Variants in TBC1D9 observed in about 807,000 individuals in gnomAD.
TBC1D9 encodes TBC1 domain family member 9A.
TBC1D9 carries 63 observed loss-of-function variants against 132.0 expected under a neutral mutation model. That is an observed-to-expected ratio of 0.48 (90% CI 0.39 to 0.59). The LOEUF is 0.59. TBC1D9 is among the 20% of genes least tolerant of loss of function. TBC1D9 has a pLI of 0.00. For synonymous variants in TBC1D9, 610 were observed against 609.9 expected (o/e 1.00, Z 0.00); for missense variants, 1,261 against 1,592.7 (o/e 0.79, Z 3.54).
intron 1 of TBC1D9, among the ~76,000 whole-genome samples, chr4:140,707,697 A>G (rs1738169563): frequency 6.6e-6 from 1 of 152,152 alleles, no homozygotes. Flanking sequence ...CATAACTTTT[A>G]CACTTCTTTA....
intron 16 of TBC1D9, among the ~76,000 whole-genome samples, chr4:140,631,601 CTT>C (rs5862493): frequency 6.8e-4 from 95 of 140,600 alleles, no homozygotes; most frequent in Admixed American, 6.3e-4. Flanking sequence ...TTTAGTTTTT[CTT>C]TTTTTTTTTT....
chr4:140,632,217 A>G lies in TBC1D9; in HGVS notation c.2746+1731T>C, dbSNP rs150284214. Among the ~76,000 whole-genome samples the G allele has an allele frequency of 2.1e-4, 31 of 150,696 alleles. 1 individual carries two copies. In the East Asian group the frequency reaches 6.0e-3, roughly 29 times the overall value. ...TTTGTTTATTTCTGTCACTTTCTACATGTAGAACCCGTCTCTTTTTTCTCC... is the reference window on the plus strand; with the variant it reads ...TTTGTTTATTTCTGTCACTTTCTACGTGTAGAACCCGTCTCTTTTTTCTCC... On this transcript the variant is annotated intron_variant, in intron 16 of 20. Coordinates refer to ENST00000442267, the MANE Select transcript of TBC1D9 (RefSeq NM_015130.3).
chr4:140,687,385 T>A (rs1453494608), intron 2 of TBC1D9, among the ~76,000 whole-genome samples: 8 of 67,340 alleles, frequency 1.2e-4, no homozygotes, highest in African/African-American at 5.0e-4. Context: ...TATATATATA[T>A]ATATATATAT....
intron 3 of TBC1D9, among the ~76,000 whole-genome samples, chr4:140,681,360 A>G (rs1341576432): frequency 6.6e-6 from 1 of 152,138 alleles, no homozygotes; most frequent in Admixed American, 6.6e-5. Context: ...TGCATTATGT[A>G]TTGAAATCAT....
intron 1 of TBC1D9, among the ~76,000 whole-genome samples, chr4:140,732,854 T>C (rs1738615922): frequency 6.6e-6 from 1 of 152,216 alleles, no homozygotes; most frequent in Non-Finnish European, 1.5e-5. Context: ...TTCCTATTGA[T>C]ACAATCCAAC....
Position 140,679,629 on chromosome 4 carries a change from A to T in TBC1D9, c.575T>A (p.Leu192His). Residue 192 changes from leucine to histidine, a missense_variant, in exon 4 of 21, where the codon CTT becomes CAT. Physicochemically the swap from Leu to His is moderately conservative, Grantham distance 99. This residue lies in a region of TBC1D9 where 550 missense variants were observed against 699.0 expected (regional missense o/e 0.79). Transcript: ENST00000442267. ...AGATGACTTACCTTCCCTTCCCATA[A>T]GAAAAGAATAAAAGCAAAGGTGGTT... The part of the protein sequence containing the change: ...SINHLCFYSF[L>H]MGREAKLVIR... The T allele has an allele frequency of 2.5e-6, 4 of 1,612,976 alleles. No homozygotes were observed. The highest frequency in any genetic ancestry group is 3.4e-6 in the Non-Finnish European group (4 of 1,179,238).
chr4:140,731,904 G>A (rs1196957174), intron 1 of TBC1D9, among the ~76,000 whole-genome samples: 1 of 152,096 alleles, frequency 6.6e-6, no homozygotes, highest in African/African-American at 2.4e-5. Context: ...TGGTATATTG[G>A]TGTTCCATCT....
At chr4:140,642,167 G>A in intron 13 of TBC1D9, 2 of 769,016 alleles carry the variant, frequency 2.6e-6, no homozygotes, top group Non-Finnish European at 4.8e-6. Flanking sequence ...CACACAGGAG[G>A]GAAGGCATCA....
rs191555466 is a variant in TBC1D9, at chr4:140,755,839, G to A, written c.130+77C>T. The A allele has an allele frequency of 1.8e-5, 23 of 1,299,360 alleles. No homozygotes were observed. The African/African-American group carries it at 2.9e-4, about 17-fold the overall frequency. The allele number at this position is 1,299,360 out of a possible 1,614,324, so 80.5% of individuals were successfully genotyped here. ...CCCAGGGGACCGGGCGGCGTCTCCCGAGCCTGCAGCCCAGGCCGCGGGCGG... is the reference window on the plus strand; with the variant it reads ...CCCAGGGGACCGGGCGGCGTCTCCCAAGCCTGCAGCCCAGGCCGCGGGCGG... On this transcript the variant is annotated intron_variant, in intron 1 of 20. Coordinates refer to ENST00000442267, the MANE Select transcript of TBC1D9 (RefSeq NM_015130.3).
chr4:140,721,723 T>C (rs1013895382), intron 1 of TBC1D9, among the ~76,000 whole-genome samples: 2 of 152,222 alleles, frequency 1.3e-5, no homozygotes, highest in Admixed American at 6.5e-5. Flanking sequence ...TCCCCATTTG[T>C]GTAACTTCTG....
chr4:140,736,747 G>T (rs1738679047), intron 1 of TBC1D9, among the ~76,000 whole-genome samples: 1 of 152,092 alleles, frequency 6.6e-6, no homozygotes, highest in African/African-American at 2.4e-5. Context: ...TGATCTGTAG[G>T]GTTAGCCATG....
intron 2 of TBC1D9, among the ~76,000 whole-genome samples, chr4:140,689,918 G>GT (rs1035779913): frequency 2.0e-5 from 3 of 150,334 alleles, no homozygotes; most frequent in Non-Finnish European, 4.4e-5. Context: ...CCTGTTAATT[G>GT]TTTTTATATT....
chr4:140,713,035 C>T (rs1443203085), intron 1 of TBC1D9, among the ~76,000 whole-genome samples: 1 of 152,144 alleles, frequency 6.6e-6, no homozygotes, highest in Non-Finnish European at 1.5e-5. Context: ...TGTAAGTGTG[C>T]ATTCATCTAA....
chr4:140,692,652 G>T (rs1737894108), intron 2 of TBC1D9, among the ~76,000 whole-genome samples: 2 of 152,070 alleles, frequency 1.3e-5, no homozygotes, highest in Non-Finnish European at 2.9e-5. Flanking sequence ...TTATAATCAG[G>T]TTAAGTAAGA....
intron 1 of TBC1D9, among the ~76,000 whole-genome samples, 175 bp from the exon 2 acceptor site, chr4:140,701,789 A>G (rs1404164519): frequency 6.6e-6 from 1 of 152,192 alleles, no homozygotes; most frequent in Non-Finnish European, 1.5e-5. Context: ...AAGTTGCACA[A>G]CTTGACAAGG....
intron 13 of TBC1D9, among the ~76,000 whole-genome samples, chr4:140,641,087 A>C: frequency 9.0e-6 from 1 of 111,568 alleles, no homozygotes; most frequent in Admixed American, 9.5e-5. Context: ...TCATAATACT[A>C]AGCAAAAAAA....
chr4:140,624,267 G>C, intron 19 of TBC1D9, 47 bp downstream of exon 19: 1 of 1,611,150 alleles, frequency 6.2e-7, no homozygotes, highest in Non-Finnish European at 8.5e-7. Flanking sequence ...CAAAAAACAA[G>C]TGTACAACCA....
intron 1 of TBC1D9, among the ~76,000 whole-genome samples, chr4:140,728,162 G>A (rs1380172691): frequency 1.3e-5 from 2 of 152,272 alleles, no homozygotes; most frequent in East Asian, 1.9e-4. Context: ...GCTAAAACAA[G>A]CAGGTTCTAC....
chr4:140,690,862 C>CATATATATATAATATATAG (rs1229122269), intron 2 of TBC1D9, among the ~76,000 whole-genome samples: 11 of 152,032 alleles, frequency 7.2e-5, no homozygotes, highest in Non-Finnish European at 7.4e-5. Context: ...TTATATGAAC[C>CATATATATATAATATATAG]CATTATCATC....
Sources: gnomAD v4.1 joint callset for allele counts (sites outside exome capture counted in the v4.1 genomes callset) on GRCh38, gnomAD v4.1.1 for gene constraint, gnomAD v4.1.1 regional missense constraint, MANE v1.5 for transcripts, NCBI Gene and HGNC (gene_info 2026-07-23, HGNC 2026-07-21) for gene names.